ZMYM2: variants seen among roughly 807,000 people sequenced by gnomAD.
ZMYM2 encodes the protein zinc finger MYM-type protein 2.
Under a neutral mutation model 162.8 loss-of-function variants are expected in ZMYM2, and 56 were observed. The ratio of observed to expected loss-of-function variants is 0.34; its 90% CI spans 0.28 to 0.43. The LOEUF (loss-of-function observed/expected upper bound fraction) is 0.43. Ranked by LOEUF, ZMYM2 falls within the 20% of genes least tolerant of loss-of-function variation. ZMYM2 has a pLI of 1.00. For synonymous variants in ZMYM2, 510 were observed against 541.6 expected, an observed-to-expected ratio of 0.94 and a Z score of 0.81; for missense variants, 1,275 against 1,621.8, an observed-to-expected ratio of 0.79 and a Z score of 3.67.
intron 24 of ZMYM2, among the ~76,000 whole-genome samples, chr13:20,084,072 C>T (rs930011947): frequency 1.3e-5 from 2 of 152,160 alleles, no homozygotes; most frequent in South Asian, 2.1e-4. Flanking sequence ...TACAGTGGCA[C>T]GTGATCATAG....
intron 2 of ZMYM2, among the ~76,000 whole-genome samples, chr13:19,987,324 C>T (rs1257540785): frequency 2.6e-5 from 4 of 151,524 alleles, no homozygotes; most frequent in Admixed American, 2.0e-4. Flanking sequence ...AGTGCAGTGG[C>T]GCAATCTCGG....
In ZMYM2 at chr13:20,088,146, T is replaced by C. The variant is rs1392459658; in HGVS notation, c.*2132T>C. The stretch of plus-strand genomic sequence containing the variant: ...TGTCTACATAATTTTGATCTTGACA[T>C]GATTGAGGATTTAGAGCTCTTGTCT... On this transcript the variant is annotated 3_prime_UTR_variant, in exon 25 of 25. Transcript: ENST00000610343. 6 of 203,728 alleles carry C rather than the reference T, an allele frequency of 2.9e-5. No homozygotes were observed. Among genetic ancestry groups the C allele is most frequent in the African/African-American group, 1.1e-4 (5 of 43,788 alleles). 12.6% of individuals were successfully genotyped at this position (203,728 alleles called of 1,614,324 possible).
In ZMYM2 at chr13:20,066,960, A is replaced by G; in HGVS notation, c.3242A>G (p.His1081Arg). The G allele has an allele frequency of 1.9e-6, 3 of 1,613,296 alleles. No homozygotes were observed. Among genetic ancestry groups the G allele is most frequent in the Non-Finnish European group, 2.5e-6 (3 of 1,179,558 alleles). The change falls in exon 20 of 25, where the codon CAC (histidine) becomes CGC (arginine). Residue 1081 changes from histidine (H) to arginine (R), a missense_variant. His to Arg is a conservative substitution (Grantham distance 29). Transcript: ENST00000610343. The stretch of plus-strand genomic sequence containing the variant: ...ACGTATGGCGTAAATGCATGGAAAC[A>G]CTGGGTCAAAACTAGGCAACTTGAT... ...KYTYGVNAWK[H>R]WVKTRQLDED...
the ZMYM2 span, among the ~76,000 whole-genome samples, chr13:19,888,258 A>G: frequency 6.6e-6 from 1 of 151,656 alleles, no homozygotes; most frequent in Non-Finnish European, 1.5e-5. Flanking sequence ...ATGTGATCAC[A>G]ACTCACCGCA....
the ZMYM2 span, among the ~76,000 whole-genome samples, chr13:19,916,067 T>C: frequency 1.3e-5 from 2 of 152,010 alleles, no homozygotes; most frequent in African/African-American, 4.8e-5. Flanking sequence ...TTCACCGTGT[T>C]AGCCAGGTTG....
intron 6 of ZMYM2, among the ~76,000 whole-genome samples, chr13:20,011,044 G>A (rs1337889101): frequency 1.3e-5 from 2 of 152,112 alleles, no homozygotes; most frequent in Admixed American, 6.5e-5. Context: ...AGGGTAATTA[G>A]GATAGCCATC....
At chr13:19,867,130 AT>A in the ZMYM2 span, among the ~76,000 whole-genome samples, 2 of 151,988 alleles carry the variant, frequency 1.3e-5, no homozygotes, top group East Asian at 3.9e-4. Flanking sequence ...AGGCGGGTGG[AT>A]CACCTGAGGT....
chr13:19,934,615 AT>A, the ZMYM2 span, among the ~76,000 whole-genome samples: 1 of 151,858 alleles, frequency 6.6e-6, no homozygotes, highest in Non-Finnish European at 1.5e-5. Flanking sequence ...TTATGGATAT[AT>A]TTTCTCTTTT....
the ZMYM2 span, among the ~76,000 whole-genome samples, chr13:19,919,527 T>C: frequency 0.017 from 2,620 of 152,288 alleles, 34 homozygotes; most frequent in Middle Eastern, 0.051. Flanking sequence ...TACCATTTTT[T>C]TTAGTGGTTC....
At chr13:20,065,896 A>C (rs905212270) in intron 19 of ZMYM2, among the ~76,000 whole-genome samples, 12 of 152,204 alleles carry the variant, frequency 7.9e-5, no homozygotes, top group African/African-American at 2.7e-4. Context: ...AATAAAATAA[A>C]AAAGTGAAAA....
intron 2 of ZMYM2, among the ~76,000 whole-genome samples, chr13:19,965,454 A>G (rs557728804): frequency 1.1e-4 from 17 of 152,340 alleles, no homozygotes; most frequent in African/African-American, 2.9e-4. Flanking sequence ...GTTCAGGGTA[A>G]TAATCAGGGG....
chr13:20,012,065 T>G (rs2140066163), intron 6 of ZMYM2, among the ~76,000 whole-genome samples: 1 of 152,130 alleles, frequency 6.6e-6, no homozygotes, highest in South Asian at 2.1e-4. Flanking sequence ...CTTGTATTTT[T>G]AGTAGAGATG....
chr13:19,897,004 T>C, the ZMYM2 span, among the ~76,000 whole-genome samples: 138,363 of 149,676 alleles, frequency 0.92, 64,984 homozygotes, highest in Non-Finnish European at 1. Flanking sequence ...ACCTGGGAGG[T>C]GGAGGTTGCA....
At chr13:20,054,190 A>G (rs1249214067) in intron 14 of ZMYM2, among the ~76,000 whole-genome samples, 2 of 152,236 alleles carry the variant, frequency 1.3e-5, no homozygotes, top group Admixed American at 1.3e-4. Context: ...GCTTAGCTGT[A>G]TAATTTTGGG....
intron 10 of ZMYM2, 96 bp downstream of exon 10, chr13:20,031,531 G>T: frequency 1.3e-6 from 1 of 785,722 alleles, no homozygotes; most frequent in East Asian, 3.2e-5. Context: ...TTTCTTGGTA[G>T]ATAAAAATAT....
the ZMYM2 span, among the ~76,000 whole-genome samples, chr13:19,930,083 C>T: frequency 6.6e-6 from 1 of 152,174 alleles, no homozygotes; most frequent in South Asian, 2.1e-4. Flanking sequence ...CATGGCAAGA[C>T]CTCATCTCTA....
the ZMYM2 span, among the ~76,000 whole-genome samples, chr13:19,920,664 T>C: frequency 5.3e-5 from 8 of 151,760 alleles, no homozygotes; most frequent in Non-Finnish European, 1.2e-4. Flanking sequence ...ACCACATGCC[T>C]AGGGAAAGAG....
At chr13:20,010,813 G>A (rs1336676322) in intron 6 of ZMYM2, among the ~76,000 whole-genome samples, 1 of 151,264 alleles carries the variant, frequency 6.6e-6, no homozygotes, top group Admixed American at 6.6e-5. Flanking sequence ...GCTAATTTTT[G>A]TATTTTTAAT....
chr13:20,030,833 C>T (rs908214078), intron 9 of ZMYM2, among the ~76,000 whole-genome samples: 2 of 152,134 alleles, frequency 1.3e-5, no homozygotes, highest in East Asian at 3.9e-4. Flanking sequence ...TGCGCCTGGC[C>T]AACATAGGCC....
Sources: gnomAD v4.1 joint callset for allele counts (sites outside exome capture counted in the v4.1 genomes callset) on GRCh38, gnomAD v4.1.1 for gene constraint, MANE v1.5 for transcripts, NCBI Gene and HGNC (gene_info 2026-07-23, HGNC 2026-07-21) for gene names.